Variants in ADPGK observed in about 807,000 individuals in gnomAD.
The protein encoded by ADPGK is ADP dependent glucokinase.
A neutral mutation model predicts 42.4 loss-of-function variants in ADPGK; 26 were observed. That is an observed-to-expected ratio of 0.61 (90% confidence interval 0.45 to 0.85). The LOEUF is 0.85. ADPGK is among the 40% of genes least tolerant of loss of function. The pLI is 0.00. For missense variants in ADPGK, 571 were observed against 627.0 expected (o/e 0.91, Z 0.95); for synonymous variants, 267 against 252.6 (o/e 1.06, Z -0.54).
intron 3 of ADPGK, among the ~76,000 whole-genome samples, chr15:72,765,892 C>T (rs745552273): frequency 3.0e-4 from 45 of 152,144 alleles, no homozygotes; most frequent in Non-Finnish European, 5.1e-4. Context: ...GTTGAAATGA[C>T]AACAAAAGAT....
intron 6 of ADPGK, 134 bp from the exon 7 acceptor site, chr15:72,753,029 C>G (rs1232233367): frequency 2.4e-6 from 2 of 839,162 alleles, no homozygotes; most frequent in Non-Finnish European, 3.7e-6. Context: ...ACTCCCTGGC[C>G]CTGAAGTCAC....
intron 3 of ADPGK, among the ~76,000 whole-genome samples, chr15:72,761,081 A>T (rs1351167082): frequency 1.3e-5 from 2 of 152,036 alleles, no homozygotes; most frequent in Non-Finnish European, 2.9e-5. Context: ...CCAGGAAGAG[A>T]CTTCTCACCA....
intron 3 of ADPGK, among the ~76,000 whole-genome samples, chr15:72,767,085 A>G (rs2066270071): frequency 6.6e-6 from 1 of 152,234 alleles, no homozygotes; most frequent in African/African-American, 2.4e-5. Flanking sequence ...GATTAAAAGC[A>G]CAAGGACAGA....
At chr15:72,770,306 C>A (rs1285257510) in intron 3 of ADPGK, among the ~76,000 whole-genome samples, 1 of 152,226 alleles carries the variant, frequency 6.6e-6, no homozygotes, top group Non-Finnish European at 1.5e-5. Context: ...TATTAGAATG[C>A]CTTCCAATCA....
At chr15:72,781,298 TC>T (rs945840573) in intron 1 of ADPGK, among the ~76,000 whole-genome samples, 1 of 152,150 alleles carries the variant, frequency 6.6e-6, no homozygotes, top group Non-Finnish European at 1.5e-5. Context: ...CTTTATGGCT[TC>T]CCCATAAAAG....
chr15:72,762,729 C>A (rs148947344), intron 3 of ADPGK, among the ~76,000 whole-genome samples: 1 of 152,328 alleles, frequency 6.6e-6, no homozygotes, highest in African/African-American at 2.4e-5. Flanking sequence ...TGCCTGTAAT[C>A]CCAGCACTTT....
At position 72,756,350 on chromosome 15, in the gene ADPGK, C is replaced by G; in HGVS notation, c.741G>C (p.Val247=). 1 of 1,614,222 alleles carries G rather than the reference C, an allele frequency of 6.2e-7. No individual in the cohort carries two copies. Among genetic ancestry groups the G allele is most frequent in the Non-Finnish European group, 8.5e-7 (1 of 1,180,038 alleles). Residue 247 remains valine, a synonymous_variant, in exon 5 of 7, where the codon GTG becomes GTC. Coordinates refer to ENST00000456471, the MANE Select transcript of ADPGK (RefSeq NM_001365225.1). The part of the protein sequence containing the change: ...NGAMNMLEVF[V]SSLEEFQPDL... ...CTGGCTGAAACTCCTCCAGGCTAGA[C>G]ACAAACACCTCCAGCATATTCATGG...
intron 3 of ADPGK, among the ~76,000 whole-genome samples, chr15:72,770,150 T>C (rs780103349): frequency 3.3e-5 from 5 of 152,258 alleles, no homozygotes; most frequent in African/African-American, 4.8e-5. Flanking sequence ...ACTTGAATCC[T>C]GACTCTATCA....
At chr15:72,771,747 G>A (rs1296620290) in intron 3 of ADPGK, 36 bp downstream of exon 3, 1 of 1,568,736 alleles carries the variant, frequency 6.4e-7, no homozygotes, top group Non-Finnish European at 8.7e-7. Context: ...AAACACTAGG[G>A]AAAGGCATAG....
Position 72,760,436 on chromosome 15 carries a change from T to G in ADPGK, c.614A>C (p.Glu205Ala). The change falls in exon 4 of 7, where the codon GAG (glutamate) becomes GCG (alanine). Residue 205 changes from glutamate to alanine, a missense_variant. Glu to Ala is a moderately radical substitution (Grantham distance 107). Around this residue, in one of 2 missense-constraint regions of ADPGK, gnomAD observed 434 missense variants for 522.7 expected, o/e 0.83. Transcript: ENST00000456471. ...VPPESLQEVDEFHLILEYQAG... is the reference protein window; with the variant it reads ...VPPESLQEVDAFHLILEYQAG... Reference sequence around the variant, plus strand: ...TTGATACTCTAAAATGAGGTGGAACTCATCCACTTCCTGCAATGACTCTGG... The same window carrying G: ...TTGATACTCTAAAATGAGGTGGAACGCATCCACTTCCTGCAATGACTCTGG... 5.6e-6 allele frequency: 9 copies of G among 1,608,932 alleles called. No homozygotes were observed. Among genetic ancestry groups the G allele is most frequent in the African/African-American group, 1.3e-5 (1 of 74,876 alleles).
chr15:72,782,312 G>A (rs1040699448), intron 1 of ADPGK, among the ~76,000 whole-genome samples: 1 of 151,926 alleles, frequency 6.6e-6, no homozygotes, highest in Admixed American at 6.6e-5. Flanking sequence ...TCAGGAGTTC[G>A]AGACCAGCCT....
intron 2 of ADPGK, among the ~76,000 whole-genome samples, chr15:72,773,213 A>C (rs1038225223): frequency 1.3e-5 from 2 of 152,208 alleles, no homozygotes; most frequent in African/African-American, 4.8e-5. Context: ...TGGGCTGCAG[A>C]CTGGACAAGG....
intron 6 of ADPGK, 58 bp downstream of exon 6, chr15:72,755,498 A>G: frequency 7.3e-7 from 1 of 1,362,264 alleles, no homozygotes; most frequent in Non-Finnish European, 1.0e-6. Context: ...CTGCACAAAA[A>G]AGCTTCTCTG....
chr15:72,783,262 C>G, intron 1 of ADPGK, 197 bp downstream of exon 1: 1 of 1,244,564 alleles, frequency 8.0e-7, no homozygotes, highest in Non-Finnish European at 1.0e-6. Flanking sequence ...GAGAGAAAGG[C>G]GCAGAGGCCA....
intron 1 of ADPGK, chr15:72,783,075 G>T: frequency 2.4e-6 from 1 of 423,048 alleles, no homozygotes; most frequent in Non-Finnish European, 3.2e-6. Context: ...TCTTCAAGAA[G>T]TTCAGAAGAA....
chr15:72,756,199 C>T (rs917480814), intron 5 of ADPGK, 52 bp downstream of exon 5: 2 of 1,605,066 alleles, frequency 1.2e-6, no homozygotes, highest in Middle Eastern at 1.7e-4. Flanking sequence ...AGGCTGGAAC[C>T]TGAAGAAAAC....
chr15:72,771,804 A>G lies in ADPGK; in HGVS notation c.501T>C (p.Phe167=). Residue 167 remains phenylalanine (F), a synonymous_variant, in exon 3 of 7, where the codon TTT becomes TTC. Coordinates refer to ENST00000456471, the MANE Select transcript of ADPGK (RefSeq NM_001365225.1). ...GGNAALIGQK[F]AANSDLKVLL... is the part of the protein sequence containing the mutation. ...CTACCTTTAAATCTGAGTTGGCTGC[A>G]AATTTCTGTCCAATTAAAGCTGCAT... The G allele has an allele frequency of 6.2e-7, 1 of 1,613,454 alleles. No individual in the cohort carries two copies. Among genetic ancestry groups the G allele is most frequent in the Admixed American group, 1.7e-5 (1 of 59,990 alleles).
intron 3 of ADPGK, among the ~76,000 whole-genome samples, chr15:72,761,593 T>C (rs2066193656): frequency 1.3e-5 from 2 of 152,164 alleles, no homozygotes; most frequent in South Asian, 4.1e-4. Context: ...ACCGCTGTTT[T>C]TGACACAACA....
intron 3 of ADPGK, among the ~76,000 whole-genome samples, chr15:72,768,973 C>T (rs1307924058): frequency 4.9e-5 from 3 of 61,580 alleles, no homozygotes; most frequent in Non-Finnish European, 1.4e-4. Context: ...GATCCTGTCT[C>T]TCAAAAAAAA....
Sources: allele counts gnomAD v4.1 joint callset (sites outside exome capture counted in the v4.1 genomes callset), GRCh38; gene constraint gnomAD v4.1.1; regional missense constraint gnomAD v4.1.1; transcripts MANE v1.5; gene names NCBI Gene and HGNC (gene_info 2026-07-23, HGNC 2026-07-21).